Variants in ENPP3 observed in about 807,000 individuals in gnomAD.
ENPP3 encodes ectonucleotide pyrophosphatase/phosphodiesterase 3, also known as ectonucleotide pyrophosphatase/phosphodiesterase family member 3.
ENPP3 carries 104 observed loss-of-function variants against 117.8 expected under a neutral mutation model. The ratio of observed to expected loss-of-function variants is 0.88; its 90% CI spans 0.75 to 1.04. The LOEUF (loss-of-function observed/expected upper bound fraction) is 1.04, where lower values mean the gene tolerates loss of function less well. ENPP3 is among the 50% of genes least tolerant of loss of function. The probability of loss-of-function intolerance (pLI) is 0.00; values close to 1 mark genes in which losing one functional copy is unlikely to be tolerated. For missense variants in ENPP3, 1,026 were observed against 1,051.9 expected, an observed-to-expected ratio of 0.98 and a Z score of 0.34; for synonymous variants, 380 against 349.9, an observed-to-expected ratio of 1.09 and a Z score of -0.96.
chr6:131,743,347 A>G (rs1780568642), intron 24 of ENPP3, among the ~76,000 whole-genome samples: 3 of 152,126 alleles, frequency 2.0e-5, no homozygotes, highest in Admixed American at 1.3e-4. Context: ...GGTTCAGTGA[A>G]TGACTTCGTT....
intron 18 of ENPP3, 29 bp from the exon 19 acceptor site, chr6:131,724,011 C>T: frequency 5.7e-6 from 9 of 1,570,074 alleles, no homozygotes; most frequent in Non-Finnish European, 7.9e-6. Flanking sequence ...CTTATTTCCT[C>T]CCCTTTCCCA....
chr6:131,709,829 T>C (rs766268824), intron 15 of ENPP3: 1 of 1,606,134 alleles, frequency 6.2e-7, no homozygotes, highest in Non-Finnish European at 8.5e-7. Flanking sequence ...CTGTAGAGTT[T>C]CATTTCATTT....
intron 24 of ENPP3, among the ~76,000 whole-genome samples, chr6:131,740,981 A>G (rs1780516715): frequency 6.6e-6 from 1 of 152,142 alleles, no homozygotes; most frequent in Admixed American, 6.6e-5. Context: ...CTGAATGAGT[A>G]TATACATGTA....
At chr6:131,669,144 TC>T in intron 6 of ENPP3, among the ~76,000 whole-genome samples, 1 of 152,338 alleles carries the variant, frequency 6.6e-6, no homozygotes, top group East Asian at 1.9e-4. Flanking sequence ...ATGAATTTTT[TC>T]CCACTTAAAT....
intron 4 of ENPP3, 25 bp downstream of exon 4, chr6:131,652,692 T>C: frequency 6.2e-7 from 1 of 1,613,790 alleles, no homozygotes; most frequent in Non-Finnish European, 8.5e-7. Context: ...GTTGACTCAT[T>C]TGCCCCTGCG....
At position 131,740,334 on chromosome 6, in the gene ENPP3, T is replaced by C; in HGVS notation, c.2411T>C (p.Leu804Pro). ...PENCPGWLDV[L>P]PFIIPHRPTN... is the part of the protein sequence containing the mutation. ...AACTGCCCTGGGTGGCTGGATGTCCTACCCTTTATCATCCCTCACCGACCT... is the reference window on the plus strand; with the variant it reads ...AACTGCCCTGGGTGGCTGGATGTCCCACCCTTTATCATCCCTCACCGACCT... Residue 804 changes from leucine (L) to proline (P), a missense_variant, in exon 24 of 25, where the codon CTA becomes CCA. Transcript: ENST00000357639. 1.2e-6 allele frequency: 2 copies of C among 1,612,348 alleles called. No individual in the cohort carries two copies. The highest frequency in any genetic ancestry group is 1.7e-6 in the Non-Finnish European group (2 of 1,179,104).
At chr6:131,654,351 G>A (rs1181890943) in intron 5 of ENPP3, among the ~76,000 whole-genome samples, 2 of 142,228 alleles carry the variant, frequency 1.4e-5, no homozygotes, top group East Asian at 2.0e-4. Context: ...ATGTTGCCCA[G>A]ACTGGACTCG....
intron 6 of ENPP3, among the ~76,000 whole-genome samples, chr6:131,669,533 G>T (rs1419078795): frequency 6.6e-6 from 1 of 151,558 alleles, no homozygotes; most frequent in Non-Finnish European, 1.5e-5. Context: ...AATTACCTGG[G>T]CGTGGTGGCA....
Position 131,693,638 on chromosome 6 carries a change from T to C in ENPP3, c.1412+14T>C. The stretch of plus-strand genomic sequence containing the variant: ...GCTGGCTGTTAGGTTCGTGTATCTG[T>C]TTACTTATCTCATAATGCCTTTAAT... On this transcript the variant is annotated intron_variant, in intron 15 of 24. Coordinates refer to ENST00000357639, the MANE Select transcript of ENPP3 (RefSeq NM_005021.5). 9 of 1,611,012 alleles carry C rather than the reference T, an allele frequency of 5.6e-6. No individual in the cohort carries two copies. The highest frequency in any genetic ancestry group is 7.6e-6 in the Non-Finnish European group (9 of 1,178,360).
chr6:131,739,836 C>T (rs1448039305), intron 23 of ENPP3, among the ~76,000 whole-genome samples: 8 of 150,968 alleles, frequency 5.3e-5, no homozygotes, highest in Admixed American at 3.3e-4. Context: ...GTTGAGAGGC[C>T]GAGGTGGGAG....
At chr6:131,647,240 G>A (rs936004925) in intron 2 of ENPP3, among the ~76,000 whole-genome samples, 11 of 152,022 alleles carry the variant, frequency 7.2e-5, no homozygotes, top group African/African-American at 1.4e-4. Context: ...AAATAATAAC[G>A]TAAGCATTTC....
chr6:131,733,625 G>A lies in ENPP3; in HGVS notation c.1991G>A (p.Cys664Tyr). 6 of 1,614,122 alleles carry A rather than the reference G, an allele frequency of 3.7e-6. No homozygotes were observed. The highest frequency in any genetic ancestry group is 1.1e-5 in the South Asian group (1 of 91,078). Residue 664 changes from cysteine (C) to tyrosine (Y), a missense_variant, in exon 21 of 25, where the codon TGT (cysteine) becomes TAT (tyrosine). Physicochemically the swap from Cys to Tyr is radical, Grantham distance 194. Transcript: ENST00000357639. ...CCTCTGCCTCCCACTGTCCCAGACTGTCTGCGGGCTGATGTCAGGGTTCCT... is the reference window on the plus strand; with the variant it reads ...CCTCTGCCTCCCACTGTCCCAGACTATCTGCGGGCTGATGTCAGGGTTCCT... Reference protein sequence around the residue: ...TSPLPPTVPDCLRADVRVPPS... With the variant: ...TSPLPPTVPDYLRADVRVPPS...
At chr6:131,739,102 C>A (rs1780466758) in intron 23 of ENPP3, among the ~76,000 whole-genome samples, 1 of 152,176 alleles carries the variant, frequency 6.6e-6, no homozygotes, top group Admixed American at 6.5e-5. Flanking sequence ...CATTAGCCCC[C>A]AGTTAGAGTT....
chr6:131,664,565 T>C (rs963468206), intron 6 of ENPP3, among the ~76,000 whole-genome samples: 1 of 152,206 alleles, frequency 6.6e-6, no homozygotes, highest in African/African-American at 2.4e-5. Flanking sequence ...TAGTTTACAG[T>C]AGTGTCCTAG....
At chr6:131,686,027 C>G in intron 14 of ENPP3, 120 bp downstream of exon 14, 2 of 475,016 alleles carry the variant, frequency 4.2e-6, no homozygotes. Flanking sequence ...TATTTCTAAA[C>G]CTTCCATCAA....
chr6:131,710,190 C>T lies in ENPP3; in HGVS notation c.1413-8482C>T, dbSNP rs1272015934. On this transcript the variant is annotated intron_variant, in intron 15 of 24. Coordinates refer to ENST00000357639, the MANE Select transcript of ENPP3 (RefSeq NM_005021.5). ...CTTCAAGCACAGCAGCCTGATCTTTCATCATTGGCAAGTGTCCAGTCAGGG... is the reference window on the plus strand; with the variant it reads ...CTTCAAGCACAGCAGCCTGATCTTTTATCATTGGCAAGTGTCCAGTCAGGG... The T allele has an allele frequency of 1.9e-6, 3 of 1,610,474 alleles. No individual in the cohort carries two copies. The East Asian group carries it at 6.7e-5, about 36-fold the overall frequency.
Position 131,727,229 on chromosome 6 carries a change from T to C in ENPP3, c.1953+1029T>C, listed in dbSNP as rs533261573. Among the ~76,000 whole-genome samples, 7 of 152,102 alleles carry C rather than the reference T, an allele frequency of 4.6e-5. No homozygotes were observed. The South Asian group carries it at 1.5e-3, about 32-fold the overall frequency. On this transcript the variant is annotated intron_variant, in intron 20 of 24. Coordinates refer to ENST00000357639, the MANE Select transcript of ENPP3 (RefSeq NM_005021.5). ...AGGAGCCAAGCAATTGAATCACAAT[T>C]CAGGAATATGCAATAAGGAAAATGT... is the stretch of plus-strand genomic sequence containing the variant.
At chr6:131,642,427 T>A (rs1778066735) in intron 2 of ENPP3, among the ~76,000 whole-genome samples, 1 of 152,202 alleles carries the variant, frequency 6.6e-6, no homozygotes. Flanking sequence ...TTCCTTTTGC[T>A]ATATTTCATT....
chr6:131,684,883 C>A (rs1389421829), intron 12 of ENPP3, among the ~76,000 whole-genome samples: 1 of 152,062 alleles, frequency 6.6e-6, no homozygotes, highest in Non-Finnish European at 1.5e-5. Context: ...CTTCGAGGTT[C>A]AAATGATTCT....
Sources: gnomAD v4.1 joint callset for allele counts (sites outside exome capture counted in the v4.1 genomes callset) on GRCh38, gnomAD v4.1.1 for gene constraint, MANE v1.5 for transcripts, NCBI Gene and HGNC (gene_info 2026-07-23, HGNC 2026-07-21) for gene names.